NAV1: variants seen among roughly 807,000 people sequenced by gnomAD.
NAV1 encodes the protein pore membrane and/or filament interacting like protein 3.
NAV1 carries 18 observed loss-of-function variants against 175.2 expected under a neutral mutation model. That is an observed-to-expected ratio of 0.10 (90% confidence interval 0.07 to 0.15). The LOEUF (loss-of-function observed/expected upper bound fraction) is 0.15. Ranked by LOEUF, NAV1 falls within the 10% of genes least tolerant of loss-of-function variation. NAV1 has a pLI of 1.00. For missense variants in NAV1, 1,731 were observed against 2,436.6 expected, an observed-to-expected ratio of 0.71 and a Z score of 6.10; for synonymous variants, 897 against 978.7, an observed-to-expected ratio of 0.92 and a Z score of 1.56.
chr1:201,541,459 C>T (rs1396203968), intron 1 of NAV1, among the ~76,000 whole-genome samples: 1 of 152,338 alleles, frequency 6.6e-6, no homozygotes, highest in South Asian at 2.1e-4. Flanking sequence ...TTTCTGGGAT[C>T]TGGCTTCTTT....
intron 3 of NAV1, among the ~76,000 whole-genome samples, chr1:201,779,338 T>C (rs1676155083): frequency 6.6e-6 from 1 of 151,432 alleles, no homozygotes; most frequent in Non-Finnish European, 1.5e-5. Flanking sequence ...ACGCCTATAA[T>C]CCCAGCACTT....
intron 3 of NAV1, among the ~76,000 whole-genome samples, chr1:201,719,944 A>G (rs746089583): frequency 6.6e-6 from 1 of 152,226 alleles, no homozygotes; most frequent in Non-Finnish European, 1.5e-5. Flanking sequence ...GAGAACTTGG[A>G]GGGATCTGGT....
At chr1:201,648,439 C>T (rs1351906017) in exon 1 of NAV1, 1 of 1,219,262 alleles carries the variant, frequency 8.2e-7, no homozygotes, top group African/African-American at 1.6e-5. Context: ...CTTCCCTGCT[C>T]TTTCCTTTTT....
At chr1:201,678,133 C>T (rs1301237218) in intron 1 of NAV1, among the ~76,000 whole-genome samples, 2 of 152,144 alleles carry the variant, frequency 1.3e-5, no homozygotes, top group African/African-American at 2.4e-5. Context: ...ATTGCATTTT[C>T]GCACCACCCT....
At chr1:201,550,823 C>A (rs1253514906) in intron 1 of NAV1, among the ~76,000 whole-genome samples, 1 of 152,160 alleles carries the variant, frequency 6.6e-6, no homozygotes, top group East Asian at 1.9e-4. Context: ...CCCTGAAGGG[C>A]CTCTCGGCAA....
rs1671322388 is a variant in NAV1 at position 201,699,466 on chromosome 1, C to G, written c.758-13351C>G. Among the ~76,000 whole-genome samples, 3 of 152,314 alleles carry G rather than the reference C, an allele frequency of 2.0e-5. No individual in the cohort carries two copies. In the South Asian group the frequency reaches 6.2e-4, roughly 32 times the overall value. On this transcript the variant is annotated intron_variant, in intron 1 of 29. Coordinates refer to ENST00000367296, the Ensembl canonical transcript of NAV1. The stretch of plus-strand genomic sequence containing the variant: ...GGATACAAACAAATGGAAGAACATT[C>G]CATGCTCATGGATAGGAAGAATCAA...
chr1:201,679,951 G>T (rs1397184726), intron 1 of NAV1, among the ~76,000 whole-genome samples: 1 of 152,172 alleles, frequency 6.6e-6, no homozygotes, highest in African/African-American at 2.4e-5. Flanking sequence ...GTACTCATGG[G>T]AGTGTTTATC....
At position 201,814,013 on chromosome 1, in the gene NAV1, A is replaced by C. The variant is rs986520498; in HGVS notation, c.5340+755A>C. Among the ~76,000 whole-genome samples, 59 of 152,162 alleles carry C rather than the reference A, an allele frequency of 3.9e-4. 4 individuals are homozygous for C. Among genetic ancestry groups the C allele is most frequent in the Non-Finnish European group, 5.9e-5 (4 of 68,024 alleles). On this transcript the variant is annotated intron_variant, in intron 28 of 29. Transcript: ENST00000367296. ...CAAGAGCTTGCAGTGAGCTGAGATC[A>C]CGCCACTGTACTCCAGTCTGGGCAA... is the stretch of plus-strand genomic sequence containing the variant.
At chr1:201,604,961 A>G (rs1309284948) in intron 2 of NAV1, among the ~76,000 whole-genome samples, 2 of 152,170 alleles carry the variant, frequency 1.3e-5, no homozygotes, top group Non-Finnish European at 2.9e-5. Context: ...CTGATATTTA[A>G]GAACTTCTTT....
intron 3 of NAV1, among the ~76,000 whole-genome samples, chr1:201,727,894 C>T (rs879386758): frequency 1.3e-5 from 2 of 152,168 alleles, no homozygotes; most frequent in Non-Finnish European, 2.9e-5. Context: ...GTCTGCGTTT[C>T]AAGCCTGCTG....
chr1:201,636,746 C>T (rs1190904958), intron 2 of NAV1, among the ~76,000 whole-genome samples: 2 of 152,160 alleles, frequency 1.3e-5, no homozygotes, highest in African/African-American at 4.8e-5. Flanking sequence ...AAGAGAACTT[C>T]CTGGCAGGAG....
chr1:201,588,765 A>C (rs1667107771), intron 2 of NAV1, among the ~76,000 whole-genome samples, 116 bp downstream of exon 2: 1 of 152,168 alleles, frequency 6.6e-6, no homozygotes, highest in African/African-American at 2.4e-5. Flanking sequence ...GTTGATGGTG[A>C]AAATGTTTTG....
At chr1:201,563,239 A>G (rs1057217189) in intron 1 of NAV1, among the ~76,000 whole-genome samples, 4 of 152,190 alleles carry the variant, frequency 2.6e-5, no homozygotes, top group Non-Finnish European at 5.9e-5. Flanking sequence ...GCAGCAGGAA[A>G]CATTTGTCCT....
intron 1 of NAV1, among the ~76,000 whole-genome samples, chr1:201,627,840 A>G (rs1188275961): frequency 1.3e-5 from 2 of 152,078 alleles, no homozygotes; most frequent in Admixed American, 6.5e-5. Flanking sequence ...ACTTGGACAG[A>G]CATTTAATTG....
intron 3 of NAV1, among the ~76,000 whole-genome samples, chr1:201,741,533 C>G (rs1673423378): frequency 6.6e-6 from 1 of 152,140 alleles, no homozygotes; most frequent in African/African-American, 2.4e-5. Flanking sequence ...ATAACCTCCT[C>G]TCCTCCCTCC....
chr1:201,663,153 G>A (rs941670219), intron 1 of NAV1, among the ~76,000 whole-genome samples: 1 of 152,144 alleles, frequency 6.6e-6, no homozygotes, highest in Non-Finnish European at 1.5e-5. Flanking sequence ...GAAGGGGAAC[G>A]GTCTCTGATT....
intron 2 of NAV1, among the ~76,000 whole-genome samples, chr1:201,608,013 T>TAA (rs1558016889): frequency 6.6e-6 from 1 of 151,784 alleles, no homozygotes; most frequent in Admixed American, 6.6e-5. Flanking sequence ...ATTTTCTTTT[T>TAA]TATGTTTTGA....
chr1:201,718,354 C>A lies in NAV1; in HGVS notation c.861-36C>A. On this transcript the variant is annotated intron_variant, in intron 2 of 29. Coordinates refer to ENST00000367296, the Ensembl canonical transcript of NAV1. This position sits in a 1 kb window ranked among gnomAD's most constrained non-coding sequence, Gnocchi z 4.8. ...GGGGACAGGGCACACGGCGGCTGTGCCAAGGACTAAGTAGTGCCTTCTGCT... is the reference window on the plus strand; with the variant it reads ...GGGGACAGGGCACACGGCGGCTGTGACAAGGACTAAGTAGTGCCTTCTGCT... 1 of 1,496,932 alleles carries A rather than the reference C, an allele frequency of 6.7e-7. No homozygotes were observed. The highest frequency in any genetic ancestry group is 1.4e-5 in the South Asian group (1 of 72,186). 92.7% of individuals were successfully genotyped at this position (1,496,932 alleles called of 1,614,324 possible).
At chr1:201,809,006 G>A in intron 20 of NAV1, 135 bp downstream of exon 24, 1 of 1,301,682 alleles carries the variant, frequency 7.7e-7, no homozygotes, top group Non-Finnish European at 1.1e-6. Flanking sequence ...CTAAGACACT[G>A]AGTTGTAATG....
Sources: gnomAD v4.1 joint callset for allele counts (sites outside exome capture counted in the v4.1 genomes callset) on GRCh38, gnomAD v4.1.1 for gene constraint, Gnocchi (gnomAD v3.1) non-coding constraint, MANE v1.5 for transcripts, NCBI Gene and HGNC (gene_info 2026-07-23, HGNC 2026-07-21) for gene names.